CNTN4: variants seen among roughly 807,000 people sequenced by gnomAD.
The protein encoded by CNTN4 is contactin 4.
A neutral mutation model predicts 122.5 loss-of-function variants in CNTN4; 77 were observed. The ratio of observed to expected loss-of-function variants is 0.63; its 90% CI spans 0.52 to 0.76. The LOEUF is 0.76. Among genes scored for constraint, CNTN4 ranks in the 30% least tolerant of loss-of-function variants. The pLI is 0.00. For synonymous variants in CNTN4, 512 were observed against 447.0 expected (o/e 1.15, Z -1.83); for missense variants, 1,256 against 1,259.1 (o/e 1.00, Z 0.04).
intron 4 of CNTN4, among the ~76,000 whole-genome samples, chr3:2,634,142 A>G (rs1024909881): frequency 6.6e-6 from 1 of 152,234 alleles, no homozygotes; most frequent in Non-Finnish European, 1.5e-5. Flanking sequence ...GTTTCACTAC[A>G]CAAATGTATT....
chr3:3,011,683 TC>T (rs1697244720), intron 14 of CNTN4, among the ~76,000 whole-genome samples: 1 of 152,178 alleles, frequency 6.6e-6, no homozygotes, highest in Non-Finnish European at 1.5e-5. Context: ...CATTTTTGTT[TC>T]TTCTTTAGCT....
chr3:2,257,612 A>T (rs1318078186), intron 2 of CNTN4, among the ~76,000 whole-genome samples: 1 of 152,204 alleles, frequency 6.6e-6, no homozygotes, highest in Non-Finnish European at 1.5e-5. Context: ...CCCCATCAAA[A>T]AGTGGGCAAA....
intron 3 of CNTN4, among the ~76,000 whole-genome samples, chr3:2,507,726 CT>C (rs1420933567): frequency 1.8e-5 from 2 of 112,712 alleles, no homozygotes; most frequent in Non-Finnish European, 3.5e-5. Context: ...CAGTGAGAGA[CT>C]TTGTCTCAAA....
intron 13 of CNTN4, among the ~76,000 whole-genome samples, chr3:2,929,596 A>G (rs562371061): frequency 3.3e-5 from 5 of 152,302 alleles, no homozygotes; most frequent in Admixed American, 6.5e-5. Flanking sequence ...TTAGGTGCTC[A>G]CACAGTATCA....
At chr3:2,801,589 G>T (rs1436435882) in intron 6 of CNTN4, among the ~76,000 whole-genome samples, 1 of 152,014 alleles carries the variant, frequency 6.6e-6, no homozygotes, top group Non-Finnish European at 1.5e-5. Flanking sequence ...TTAAAACATG[G>T]GTCCCTGTTT....
intron 4 of CNTN4, among the ~76,000 whole-genome samples, chr3:2,703,507 G>C (rs895843899): frequency 2.0e-5 from 3 of 152,134 alleles, no homozygotes; most frequent in Admixed American, 2.0e-4. Flanking sequence ...ACTTGCCCAT[G>C]TGAAACAATC....
rs183238273 is a variant in CNTN4 at position 2,386,456 on chromosome 3, T to C, written c.-89+47223T>C. Among the ~76,000 whole-genome samples the C allele has an allele frequency of 1.4e-4, 21 of 152,352 alleles. No homozygotes were observed. In the East Asian group the frequency reaches 3.5e-3, roughly 25 times the overall value. On this transcript the variant is annotated intron_variant, in intron 3 of 24. Transcript: ENST00000418658. ...TCCCCTAACTAGCAAAATCCTAGAA[T>C]GCCAATAGCTGGGTTTCTTGGAATT...
chr3:2,937,526 A>C (rs1377386892), intron 13 of CNTN4, among the ~76,000 whole-genome samples: 2 of 152,226 alleles, frequency 1.3e-5, no homozygotes, highest in Non-Finnish European at 2.9e-5. Flanking sequence ...TATTTTATAC[A>C]GGTGCTTTAA....
At chr3:3,052,220 G>A (rs140894488) in intron 23 of CNTN4, among the ~76,000 whole-genome samples, 3 of 152,314 alleles carry the variant, frequency 2.0e-5, no homozygotes, top group African/African-American at 7.2e-5. Flanking sequence ...CTGGAGCGGG[G>A]TTACTGACCT....
At chr3:2,368,223 G>A (rs546622034) in intron 3 of CNTN4, among the ~76,000 whole-genome samples, 6 of 151,164 alleles carry the variant, frequency 4.0e-5, no homozygotes, top group South Asian at 2.1e-4. Flanking sequence ...TAATAGAGAC[G>A]GGGTTTCACC....
chr3:2,573,079 C>T (rs1365220606), intron 4 of CNTN4, among the ~76,000 whole-genome samples: 1 of 152,116 alleles, frequency 6.6e-6, no homozygotes, highest in Non-Finnish European at 1.5e-5. Flanking sequence ...TTCACAAAGC[C>T]AGTAAGTGGT....
intron 2 of CNTN4, among the ~76,000 whole-genome samples, chr3:2,183,135 G>A (rs976361186): frequency 6.6e-6 from 1 of 152,014 alleles, no homozygotes; most frequent in Admixed American, 6.6e-5. Context: ...ACAGAAAGCA[G>A]CTATAACATT....
At chr3:2,657,240 C>T (rs755540863) in intron 4 of CNTN4, among the ~76,000 whole-genome samples, 2 of 152,134 alleles carry the variant, frequency 1.3e-5, no homozygotes, top group Admixed American at 6.5e-5. Context: ...CTTCGAGGCA[C>T]TTATTGGAAA....
At chr3:3,018,326 A>G (rs192955121) in intron 14 of CNTN4, among the ~76,000 whole-genome samples, 1 of 152,304 alleles carries the variant, frequency 6.6e-6, no homozygotes, top group African/African-American at 2.4e-5. Context: ...GTAGCATAAA[A>G]CTTTAATTTT....
At chr3:2,218,397 G>A (rs1308959315) in intron 2 of CNTN4, among the ~76,000 whole-genome samples, 1 of 152,148 alleles carries the variant, frequency 6.6e-6, no homozygotes, top group Non-Finnish European at 1.5e-5. Flanking sequence ...GCATGTACCT[G>A]TAGTCCCAGC....
At chr3:2,738,929 A>G (rs1193776757) in intron 5 of CNTN4, among the ~76,000 whole-genome samples, 1 of 152,140 alleles carries the variant, frequency 6.6e-6, no homozygotes, top group Non-Finnish European at 1.5e-5. Flanking sequence ...CTTATGTTCA[A>G]TAGAATATAC....
chr3:2,231,019 T>C (rs2039465660), intron 2 of CNTN4, among the ~76,000 whole-genome samples: 1 of 151,982 alleles, frequency 6.6e-6, no homozygotes, highest in African/African-American at 2.4e-5. Context: ...AGAAATATGA[T>C]GTGAATCAAA....
intron 2 of CNTN4, among the ~76,000 whole-genome samples, chr3:2,171,355 A>G (rs559008580): frequency 1.9e-4 from 29 of 152,294 alleles, no homozygotes; most frequent in Admixed American, 4.6e-4. Context: ...GTAATATGTG[A>G]TCTCATTTTT....
chr3:3,024,200 A>T (rs1698522775), intron 14 of CNTN4, among the ~76,000 whole-genome samples: 2 of 152,130 alleles, frequency 1.3e-5, no homozygotes, highest in African/African-American at 4.8e-5. Context: ...AAGTAGAACT[A>T]GGCAACATCT....
Sources: gnomAD v4.1 joint callset for allele counts (sites outside exome capture counted in the v4.1 genomes callset) on GRCh38, gnomAD v4.1.1 for gene constraint, MANE v1.5 for transcripts, NCBI Gene and HGNC (gene_info 2026-07-23, HGNC 2026-07-21) for gene names.